Variants in UGT1A10 observed in about 807,000 individuals in gnomAD.
UGT1A10 encodes UDP-glucuronosyltransferase 1A10.
In UGT1A10, 49 loss-of-function variants were observed where a neutral mutation model predicts 45.8. The observed-to-expected ratio is 1.07, with a 90% CI of 0.85 to 1.36. The LOEUF is 1.36. Ranked by LOEUF, UGT1A10 falls within the 40% of genes most tolerant of loss-of-function variation. The probability of loss-of-function intolerance (pLI) is 0.00; values close to 1 mark genes in which losing one functional copy is unlikely to be tolerated. For synonymous variants in UGT1A10, 284 were observed against 249.7 expected (o/e 1.14, Z -1.29); for missense variants, 745 against 668.6 (o/e 1.11, Z -1.26).
intron 1 of UGT1A10, chr2:233,742,967 A>G (rs764495397): frequency 2.3e-5 from 5 of 219,774 alleles, no homozygotes; most frequent in African/African-American, 4.7e-5. Context: ...TGTCTGCCTC[A>G]GGCTTAAGTT....
chr2:233,710,135 T>C (rs560967814), intron 1 of UGT1A10, among the ~76,000 whole-genome samples: 1 of 152,360 alleles, frequency 6.6e-6, no homozygotes, highest in African/African-American at 2.4e-5. Context: ...AGCATTTCAT[T>C]GTATAGATAT....
chr2:233,740,407 A>T (rs1691384076), intron 1 of UGT1A10, among the ~76,000 whole-genome samples: 1 of 151,962 alleles, frequency 6.6e-6, no homozygotes, highest in South Asian at 2.1e-4. Context: ...AAAATGGGGA[A>T]GTCTCTCTAC....
At chr2:233,661,641 T>TTCTC (rs1404783381) in intron 1 of UGT1A10, among the ~76,000 whole-genome samples, 4 of 143,510 alleles carry the variant, frequency 2.8e-5, no homozygotes, top group Non-Finnish European at 6.2e-5. Flanking sequence ...CTTTCTTTCT[T>TTCTC]TCTTTCTTTC....
At chr2:233,685,194 G>C (rs527393149) in intron 1 of UGT1A10, among the ~76,000 whole-genome samples, 2 of 152,072 alleles carry the variant, frequency 1.3e-5, no homozygotes, top group African/African-American at 4.8e-5. Context: ...ACATTAAAAC[G>C]GTTTTGTTTT....
intron 1 of UGT1A10, among the ~76,000 whole-genome samples, chr2:233,639,423 A>C (rs1443184229): frequency 6.6e-6 from 1 of 152,246 alleles, no homozygotes; most frequent in Non-Finnish European, 1.5e-5. Flanking sequence ...GTAAATTGTC[A>C]TCAAAAGAAC....
chr2:233,648,023 G>C (rs1335769710), intron 1 of UGT1A10: 1 of 1,599,394 alleles, frequency 6.3e-7, no homozygotes, highest in South Asian at 1.1e-5. Context: ...CCAGAGGTGA[G>C]TTGGCAACTG....
intron 1 of UGT1A10, among the ~76,000 whole-genome samples, chr2:233,727,658 C>T (rs1228112753): frequency 6.6e-6 from 1 of 152,168 alleles, no homozygotes; most frequent in Non-Finnish European, 1.5e-5. Flanking sequence ...TTCTAGTGCT[C>T]TATGTCCTTA....
chr2:233,686,068 G>T (rs2074771450), intron 1 of UGT1A10, among the ~76,000 whole-genome samples: 1 of 152,140 alleles, frequency 6.6e-6, no homozygotes, highest in Non-Finnish European at 1.5e-5. Flanking sequence ...TCAGCAGAGG[G>T]TTCTGGGACA....
chr2:233,735,071 T>C (rs1186471486), intron 1 of UGT1A10, among the ~76,000 whole-genome samples: 1 of 152,214 alleles, frequency 6.6e-6, no homozygotes, highest in Non-Finnish European at 1.5e-5. Flanking sequence ...GATATCCTTG[T>C]TAACCTTTGG....
At chr2:233,736,410 T>C (rs1179819701) in intron 1 of UGT1A10, among the ~76,000 whole-genome samples, 1 of 152,232 alleles carries the variant, frequency 6.6e-6, no homozygotes, top group Non-Finnish European at 1.5e-5. Flanking sequence ...TAGGCATTCA[T>C]CTAACCTTTT....
intron 1 of UGT1A10, chr2:233,647,821 C>G (rs1187787949): frequency 2.2e-6 from 2 of 912,710 alleles, no homozygotes; most frequent in African/African-American, 3.3e-5. Flanking sequence ...ATTGATTTGC[C>G]CCAAAAGCTA....
At chr2:233,671,737 A>G in intron 1 of UGT1A10, 1 of 1,216,728 alleles carries the variant, frequency 8.2e-7, no homozygotes, top group Non-Finnish European at 1.1e-6. Context: ...TGGAAAACAT[A>G]CAAATAGATA....
At chr2:233,767,198 A>G in intron 2 of UGT1A10, 33 bp downstream of exon 2, 1 of 1,613,498 alleles carries the variant, frequency 6.2e-7, no homozygotes, top group Non-Finnish European at 8.5e-7. Flanking sequence ...CCTCATATCT[A>G]TTTTCACAGG....
intron 1 of UGT1A10, among the ~76,000 whole-genome samples, chr2:233,645,941 A>G (rs977150371): frequency 2.0e-5 from 3 of 152,160 alleles, no homozygotes; most frequent in African/African-American, 7.2e-5. Context: ...TCCCTTCTGC[A>G]CTGTTCTAGC....
chr2:233,734,579 T>C (rs1163010771), intron 1 of UGT1A10, among the ~76,000 whole-genome samples: 20 of 152,230 alleles, frequency 1.3e-4, no homozygotes, highest in Non-Finnish European at 2.9e-5. Context: ...TTGCTCTTGC[T>C]TATCTAGTTC....
Position 233,772,465 on chromosome 2 carries a change from C to T in UGT1A10, c.1499C>T (p.Ala500Val), listed in dbSNP as rs1575871358. ...GFLLAVVLTV[A>V]FITFKCCAYG... ...CTCTTGGCCGTCGTGCTGACAGTGG[C>T]CTTCATCACCTTTAAATGTTGTGCT... Residue 500 changes from alanine to valine, a missense_variant, in exon 5 of 5, where the codon GCC (alanine) becomes GTC (valine). Transcript: ENST00000344644. 1 of 1,614,018 alleles carries T rather than the reference C, an allele frequency of 6.2e-7. No individual in the cohort carries two copies. Among genetic ancestry groups the T allele is most frequent in the African/African-American group, 1.3e-5 (1 of 74,896 alleles).
At chr2:233,642,981 G>C (rs1004273593) in intron 1 of UGT1A10, among the ~76,000 whole-genome samples, 1 of 152,158 alleles carries the variant, frequency 6.6e-6, no homozygotes, top group Non-Finnish European at 1.5e-5. Context: ...TCACCACTAT[G>C]ACTGTGCTGG....
At position 233,769,521 on chromosome 2, in the gene UGT1A10, C is replaced by A. The variant is rs753723506; in HGVS notation, c.1295+1082C>A. The A allele has an allele frequency of 4.3e-6, 7 of 1,612,800 alleles. No homozygotes were observed. The East Asian group carries it at 1.6e-4, about 36-fold the overall frequency. On this transcript the variant is annotated intron_variant, in intron 4 of 4. Transcript: ENST00000344644. The surrounding 1 kb of genome is among the most constrained non-coding windows in gnomAD (Gnocchi z 4.4). ...TGTCCATTGCTTTCTCCCATGGTTACCTCCTTTAGAAAGAAGCAGCAGTCA... is the reference window on the plus strand; with the variant it reads ...TGTCCATTGCTTTCTCCCATGGTTAACTCCTTTAGAAAGAAGCAGCAGTCA...
At chr2:233,754,978 C>T (rs1695669392) in intron 1 of UGT1A10, 1 of 1,298,496 alleles carries the variant, frequency 7.7e-7, no homozygotes, top group South Asian at 1.2e-5. Flanking sequence ...CTGAAGACCT[C>T]GGCGGGGTCA....
Sources: gnomAD v4.1 joint callset for allele counts (sites outside exome capture counted in the v4.1 genomes callset) on GRCh38, gnomAD v4.1.1 for gene constraint, Gnocchi (gnomAD v3.1) non-coding constraint, MANE v1.5 for transcripts, NCBI Gene and HGNC (gene_info 2026-07-23, HGNC 2026-07-21) for gene names.